Variants in UACA observed in about 807,000 individuals in gnomAD.
UACA encodes uveal autoantigen with coiled-coil domains and ankyrin repeats, also known as nuclear membrane binding protein.
A neutral mutation model predicts 160.5 loss-of-function variants in UACA; 112 were observed. The observed-to-expected ratio is 0.70, with a 90% CI of 0.60 to 0.82. The LOEUF (loss-of-function observed/expected upper bound fraction) is 0.82, where lower values mean the gene tolerates loss of function less well. Ranked by LOEUF, UACA falls within the 40% of genes least tolerant of loss-of-function variation. The pLI is 0.00. For synonymous variants in UACA, 557 were observed against 568.4 expected (o/e 0.98, Z 0.29); for missense variants, 1,574 against 1,614.6 (o/e 0.97, Z 0.43).
chr15:70,737,742 C>T (rs937450524), intron 1 of UACA, among the ~76,000 whole-genome samples: 1 of 152,064 alleles, frequency 6.6e-6, no homozygotes, highest in Non-Finnish European at 1.5e-5. Context: ...AATAAAAACA[C>T]TTGTTAGTCT....
At chr15:70,739,015 C>T (rs868420132) in intron 1 of UACA, among the ~76,000 whole-genome samples, 1 of 152,176 alleles carries the variant, frequency 6.6e-6, no homozygotes, top group Admixed American at 6.5e-5. Flanking sequence ...CTAACACATT[C>T]TATTGTTCAA....
At chr15:70,682,701 T>C in intron 9 of UACA, 57 bp downstream of exon 9, 1 of 1,094,816 alleles carries the variant, frequency 9.1e-7, no homozygotes, top group South Asian at 2.2e-5. Flanking sequence ...CTAGTTTTAC[T>C]AAGCACTTTA....
intron 1 of UACA, among the ~76,000 whole-genome samples, chr15:70,746,699 C>G (rs1314364442): frequency 1.3e-5 from 2 of 152,132 alleles, no homozygotes; most frequent in Non-Finnish European, 2.9e-5. Context: ...TTTACTGCAG[C>G]ACTATTCACA....
At chr15:70,671,901 A>G in intron 14 of UACA, 64 bp downstream of exon 14, 1 of 1,395,356 alleles carries the variant, frequency 7.2e-7, no homozygotes, top group Non-Finnish European at 9.9e-7. Context: ...AACAAGTAAG[A>G]ATAAACATTC....
intron 5 of UACA, among the ~76,000 whole-genome samples, chr15:70,688,457 C>T (rs1250544149): frequency 6.6e-6 from 1 of 151,938 alleles, no homozygotes; most frequent in Non-Finnish European, 1.5e-5. Flanking sequence ...ATTATAAGCA[C>T]AAAAAGTACT....
intron 1 of UACA, among the ~76,000 whole-genome samples, chr15:70,759,033 G>A (rs556735416): frequency 4.6e-5 from 7 of 152,224 alleles, no homozygotes; most frequent in East Asian, 1.9e-4. Context: ...GCACCATCAC[G>A]TCGGGCTAAT....
chr15:70,765,877 T>A (rs2030998419), upstream of UACA, among the ~76,000 whole-genome samples: 1 of 152,228 alleles, frequency 6.6e-6, no homozygotes, highest in African/African-American at 2.4e-5. Context: ...GAATCTTAAA[T>A]GTTAATTGCT....
intron 1 of UACA, chr15:70,702,992 G>GAA: frequency 1.3e-4 from 88 of 668,886 alleles, no homozygotes; most frequent in East Asian, 3.0e-4. Flanking sequence ...TTCACTGGAT[G>GAA]AAAAAAAAAA....
rs1240379077 is a variant in UACA at position 70,664,665 on chromosome 15, CA to C, written c.4109del (p.Leu1370ArgfsTer11). ...QHQVKSLEQQ[L>X]ADADRQHQEV... is the part of the protein sequence containing the mutation. ...CCCCGTGTGCCTGGTTACTCACGGC[CA>C]GCTGTTGCTCCAGAGATTTCACTTG... On this transcript the variant is annotated frameshift_variant, in exon 17 of 19. Transcript: ENST00000322954. LOFTEE classifies it high-confidence loss of function. 6.2e-7 allele frequency: 1 copy of C among 1,608,400 alleles called. No individual in the cohort carries two copies. The highest frequency in any genetic ancestry group is 8.5e-7 in the Non-Finnish European group (1 of 1,177,620).
intron 8 of UACA, among the ~76,000 whole-genome samples, chr15:70,683,274 A>G (rs141903089): frequency 5.7e-4 from 86 of 152,164 alleles, no homozygotes; most frequent in African/African-American, 2.0e-3. Flanking sequence ...CAGGAAGATA[A>G]CTTGAGCCCA....
intron 1 of UACA, among the ~76,000 whole-genome samples, chr15:70,751,214 T>C (rs2030032106): frequency 6.6e-6 from 1 of 152,154 alleles, no homozygotes; most frequent in African/African-American, 2.4e-5. Context: ...TATGAGCCTC[T>C]TCTTATCTTC....
chr15:70,666,891 T>C lies in UACA; in HGVS notation c.3793A>G (p.Lys1265Glu), dbSNP rs1595869980. The C allele has an allele frequency of 6.2e-7, 1 of 1,613,806 alleles. No homozygotes were observed. The highest frequency in any genetic ancestry group is 1.3e-5 in the African/African-American group (1 of 75,048). The part of the protein sequence containing the change: ...EEVCEEVLHA[K>E]KKEISAKDEK... Reference sequence around the variant, plus strand: ...TCTTTTGCAGATATTTCCTTCTTTTTGGCATGCAAAACTTCCTCACATACT... The same window carrying C: ...TCTTTTGCAGATATTTCCTTCTTTTCGGCATGCAAAACTTCCTCACATACT... Residue 1265 changes from lysine to glutamate, a missense_variant, in exon 16 of 19, where the codon AAA (lysine) becomes GAA (glutamate). By Grantham distance (56) the Lys-to-Glu change is moderately conservative. Coordinates refer to ENST00000322954, the MANE Select transcript of UACA (RefSeq NM_018003.4).
upstream of UACA, among the ~76,000 whole-genome samples, chr15:70,763,831 C>T (rs1309990486): frequency 6.6e-6 from 1 of 152,240 alleles, no homozygotes; most frequent in African/African-American, 2.4e-5. Flanking sequence ...AGAGAGAGCA[C>T]GGGGTCCCGC....
Position 70,695,021 on chromosome 15 carries a change from A to G in UACA, c.297T>C (p.Thr99=), listed in dbSNP as rs770909619. 1.2e-6 allele frequency: 2 copies of G among 1,606,366 alleles called. No homozygotes were observed. Among genetic ancestry groups the G allele is most frequent in the Admixed American group, 1.7e-5 (1 of 59,628 alleles). Reference sequence around the variant, plus strand: ...TAACTATGGAGGCAAACATACCTGCAGTGTCACTGGTTGTAATATCAACTC... The same window carrying G: ...TAACTATGGAGGCAAACATACCTGCGGTGTCACTGGTTGTAATATCAACTC... ...IHGVDITTSD[T]AGRNALHLAA... The change falls in exon 3 of 19, where the codon ACT becomes ACC. Residue 99 remains threonine (T), a synonymous_variant. Transcript: ENST00000322954.
chr15:70,764,111 G>C (rs1248460597), upstream of UACA, among the ~76,000 whole-genome samples: 1 of 152,152 alleles, frequency 6.6e-6, no homozygotes, highest in Admixed American at 6.5e-5. Context: ...AGTTAAGAAA[G>C]ACCTTGAAAG....
intron 1 of UACA, among the ~76,000 whole-genome samples, chr15:70,718,337 T>TGTGC (rs1331423071): frequency 4.2e-5 from 6 of 142,936 alleles, no homozygotes; most frequent in Admixed American, 4.2e-4. Context: ...TGTGTGTGTG[T>TGTGC]GTGTGTGTGT....
chr15:70,707,830 T>C (rs1898564949), intron 1 of UACA, among the ~76,000 whole-genome samples: 1 of 152,194 alleles, frequency 6.6e-6, no homozygotes, highest in Non-Finnish European at 1.5e-5. Flanking sequence ...GTGGGGATTG[T>C]AAAATAGTCC....
intron 1 of UACA, chr15:70,702,252 A>C: frequency 9.4e-7 from 1 of 1,069,350 alleles, no homozygotes; most frequent in Non-Finnish European, 1.1e-6. Context: ...GAAAACTTGA[A>C]CAGCACTCTG....
chr15:70,681,903 T>C (rs1364637964), intron 9 of UACA: 2 of 152,212 alleles, frequency 1.3e-5, no homozygotes, highest in African/African-American at 4.8e-5. Context: ...AATGTAGCTT[T>C]CAGATTCAGG....
Sources: allele counts gnomAD v4.1 joint callset (sites outside exome capture counted in the v4.1 genomes callset), GRCh38; gene constraint gnomAD v4.1.1; transcripts MANE v1.5; gene names NCBI Gene and HGNC (gene_info 2026-07-23, HGNC 2026-07-21).